Variants in CNTNAP2 observed in about 807,000 individuals in gnomAD.
The protein encoded by CNTNAP2 is contactin associated protein 2.
Under a neutral mutation model 155.2 loss-of-function variants are expected in CNTNAP2, and 98 were observed. The ratio of observed to expected loss-of-function variants is 0.63; its 90% CI spans 0.54 to 0.75. CNTNAP2 has a LOEUF of 0.75. Among genes scored for constraint, CNTNAP2 ranks in the 30% least tolerant of loss-of-function variants. The probability of loss-of-function intolerance (pLI) is 0.00; values close to 1 mark genes in which losing one functional copy is unlikely to be tolerated. For synonymous variants in CNTNAP2, 651 were observed against 631.2 expected, an observed-to-expected ratio of 1.03 and a Z score of -0.47; for missense variants, 1,727 against 1,688.1, an observed-to-expected ratio of 1.02 and a Z score of -0.40.
At chr7:148,265,221 C>T (rs560957260) in intron 20 of CNTNAP2, among the ~76,000 whole-genome samples, 39 of 152,234 alleles carry the variant, frequency 2.6e-4, no homozygotes, top group Admixed American at 6.5e-4. Context: ...TCCAAAGAAA[C>T]ATATATATGA....
intron 9 of CNTNAP2, among the ~76,000 whole-genome samples, chr7:147,313,249 A>G (rs1795158949): frequency 6.6e-6 from 1 of 152,094 alleles, no homozygotes; most frequent in African/African-American, 2.4e-5. Flanking sequence ...TTTGCTGTGC[A>G]GAAGCTCTTT....
chr7:147,146,143 T>A (rs1403250414), intron 8 of CNTNAP2: 3 of 152,124 alleles, frequency 2.0e-5, no homozygotes, highest in African/African-American at 7.2e-5. Context: ...TATTACAGCA[T>A]GAGAAAAAAA....
rs60451214 is a variant in CNTNAP2 at position 148,409,385 on chromosome 7, C to CTG, written c.3716-5_3716-4insGT. ...CTCTGACACTTGACTCTTTCTTTCTCTACAGCCAGTGCGGATTTTCCATAT... is the reference window on the plus strand; with the variant it reads ...CTCTGACACTTGACTCTTTCTTTCTCTGTACAGCCAGTGCGGATTTTCCATAT... On this transcript the variant is annotated splice_region_variant and splice_polypyrimidine_tract_variant and intron_variant, in intron 22 of 23. Coordinates refer to ENST00000361727, the MANE Select transcript of CNTNAP2 (RefSeq NM_014141.6). 0.56 allele frequency: 886,052 copies of CTG among 1,581,614 alleles called. 254,248 individuals are homozygous for CTG. Among genetic ancestry groups the CTG allele is most frequent in the African/African-American group, 0.66 (48,911 of 74,098 alleles).
At chr7:146,482,843 T>C (rs941744152) in intron 1 of CNTNAP2, among the ~76,000 whole-genome samples, 1 of 152,264 alleles carries the variant, frequency 6.6e-6, no homozygotes, top group Middle Eastern at 3.4e-3. Flanking sequence ...TGGAATATTA[T>C]ACATACTCAT....
chr7:147,631,947 G>A (rs1022448150), intron 12 of CNTNAP2, among the ~76,000 whole-genome samples: 13 of 152,028 alleles, frequency 8.6e-5, no homozygotes, highest in Admixed American at 5.9e-4. Context: ...CAAAGCATCC[G>A]AAAGCAAATG....
intron 3 of CNTNAP2, among the ~76,000 whole-genome samples, chr7:146,859,736 C>T (rs1235809630): frequency 6.6e-6 from 1 of 152,010 alleles, no homozygotes; most frequent in African/African-American, 2.4e-5. Flanking sequence ...CACCTCCAAC[C>T]CAACTCAATT....
chr7:148,071,412 G>A (rs189528072), intron 15 of CNTNAP2, among the ~76,000 whole-genome samples: 79 of 152,254 alleles, frequency 5.2e-4, no homozygotes, highest in Admixed American at 1.2e-3. Context: ...CCAGGAGGTG[G>A]AGGTTGCAGT....
intron 1 of CNTNAP2, among the ~76,000 whole-genome samples, chr7:146,365,972 C>T (rs778909283): frequency 4.6e-5 from 7 of 152,094 alleles, no homozygotes; most frequent in Admixed American, 1.3e-4. Context: ...TACATTAAAA[C>T]GTGTATTGGC....
chr7:147,981,399 A>G (rs79625295), intron 15 of CNTNAP2, among the ~76,000 whole-genome samples: 3 of 152,268 alleles, frequency 2.0e-5, no homozygotes, highest in East Asian at 3.8e-4. Context: ...AAAGTGGCAT[A>G]GTGCATTTTT....
At chr7:148,251,579 C>A (rs1796363302) in intron 20 of CNTNAP2, among the ~76,000 whole-genome samples, 1 of 152,134 alleles carries the variant, frequency 6.6e-6, no homozygotes, top group Admixed American at 6.5e-5. Flanking sequence ...TCAATGCTCC[C>A]AACTCTAATT....
chr7:147,038,153 C>T (rs1017320153), intron 3 of CNTNAP2, among the ~76,000 whole-genome samples: 2 of 152,198 alleles, frequency 1.3e-5, no homozygotes, highest in East Asian at 3.9e-4. Flanking sequence ...CAGACCCTGT[C>T]TCTAAAAATA....
chr7:146,449,296 C>A (rs1395524708), intron 1 of CNTNAP2, among the ~76,000 whole-genome samples: 2 of 151,934 alleles, frequency 1.3e-5, no homozygotes, highest in Non-Finnish European at 2.9e-5. Flanking sequence ...CAGATAATCC[C>A]ATCTTCTGTG....
intron 13 of CNTNAP2, among the ~76,000 whole-genome samples, chr7:147,709,041 C>CA (rs1796361933): frequency 6.6e-6 from 1 of 151,938 alleles, no homozygotes; most frequent in African/African-American, 2.4e-5. Context: ...GATCCTCGTT[C>CA]AAAAAACGAC....
chr7:147,596,941 C>A (rs1247210121), intron 12 of CNTNAP2, among the ~76,000 whole-genome samples: 1 of 152,184 alleles, frequency 6.6e-6, no homozygotes, highest in Non-Finnish European at 1.5e-5. Context: ...TTACAAATGC[C>A]ATGGCAATGT....
chr7:148,016,710 C>T (rs12671605), intron 15 of CNTNAP2, among the ~76,000 whole-genome samples: 42,426 of 152,112 alleles, frequency 0.28, 7,767 homozygotes, highest in East Asian at 0.74. Flanking sequence ...GCTAACATTT[C>T]GGTGTATTGG....
intron 9 of CNTNAP2, among the ~76,000 whole-genome samples, chr7:147,387,814 A>G (rs1796648425): frequency 6.6e-6 from 1 of 152,160 alleles, no homozygotes; most frequent in Non-Finnish European, 1.5e-5. Context: ...GGGGTGGTTT[A>G]TGAGTTTTTT....
chr7:148,257,536 C>T (rs1408366577), intron 20 of CNTNAP2, among the ~76,000 whole-genome samples: 1 of 152,194 alleles, frequency 6.6e-6, no homozygotes, highest in Non-Finnish European at 1.5e-5. Context: ...GGTGTCCTCT[C>T]ATCTGCACCC....
chr7:147,657,969 C>T (rs1359904395), intron 13 of CNTNAP2, among the ~76,000 whole-genome samples: 1 of 149,956 alleles, frequency 6.7e-6, no homozygotes, highest in East Asian at 1.9e-4. Flanking sequence ...TTAAGATAGC[C>T]GACCTGGCCG....
rs558944203 is a variant in CNTNAP2 at position 147,835,704 on chromosome 7, G to A, written c.2099-67861G>A. Among the ~76,000 whole-genome samples the A allele has an allele frequency of 2.6e-5, 4 of 152,312 alleles. No individual in the cohort carries two copies. In the East Asian group the frequency reaches 7.7e-4, roughly 29 times the overall value. On this transcript the variant is annotated intron_variant, in intron 13 of 23. Transcript: ENST00000361727. ...CTTACTTGGAAACAGGGTTTGTGCA[G>A]ATGTAATGCAGTTAAGGATCTGCAG... is the stretch of plus-strand genomic sequence containing the variant.
Sources: gnomAD v4.1 joint callset for allele counts (sites outside exome capture counted in the v4.1 genomes callset) on GRCh38, gnomAD v4.1.1 for gene constraint, MANE v1.5 for transcripts, NCBI Gene and HGNC (gene_info 2026-07-23, HGNC 2026-07-21) for gene names.